GALNT14: variants seen among roughly 807,000 people sequenced by gnomAD.
GALNT14 encodes the protein UDP-GalNAc:polypeptide N-acetylgalactosaminyltransferase 14.
Under a neutral mutation model 77.5 loss-of-function variants are expected in GALNT14, and 60 were observed. The observed-to-expected ratio is 0.77, with a 90% CI of 0.63 to 0.96. GALNT14 has a LOEUF of 0.96. Among genes scored for constraint, GALNT14 ranks in the 40% least tolerant of loss-of-function variants. The pLI, the probability that GALNT14 is intolerant of heterozygous loss-of-function variation, is 0.00. For missense variants in GALNT14, 710 were observed against 731.0 expected, an observed-to-expected ratio of 0.97 and a Z score of 0.33; for synonymous variants, 280 against 281.7, an observed-to-expected ratio of 0.99 and a Z score of 0.06.
chr2:30,908,490 C>T (rs1405191823), downstream of GALNT14, among the ~76,000 whole-genome samples: 3 of 143,648 alleles, frequency 2.1e-5, no homozygotes, highest in Non-Finnish European at 3.0e-5. Context: ...ACCTAGGAAT[C>T]CAACTTACAA....
chr2:31,018,531 G>A (rs890262739), intron 1 of GALNT14, among the ~76,000 whole-genome samples: 6 of 152,272 alleles, frequency 3.9e-5, no homozygotes, highest in East Asian at 3.9e-4. Flanking sequence ...CACCGCCCCC[G>A]TGATCCAGTC....
chr2:30,976,683 G>A (rs887359758), intron 2 of GALNT14, among the ~76,000 whole-genome samples: 2 of 152,088 alleles, frequency 1.3e-5, no homozygotes, highest in African/African-American at 4.8e-5. Context: ...GAGCCTAGCT[G>A]GGACAGAAAG....
intron 12 of GALNT14, 137 bp from the exon 13 acceptor site, chr2:30,924,400 G>T: frequency 1.1e-6 from 1 of 895,854 alleles, no homozygotes; most frequent in Non-Finnish European, 1.7e-6. Context: ...TCGGGGAAGG[G>T]CAGGGTGCCA....
At position 30,935,647 on chromosome 2, in the gene GALNT14, G is replaced by A. The variant is rs145412581; in HGVS notation, c.932-3453C>T. On this transcript the variant is annotated intron_variant, in intron 9 of 14. Transcript: ENST00000349752. The stretch of plus-strand genomic sequence containing the variant: ...TCAGATCAGTGTGATGATTTATAGG[G>A]ATGACAGTGTGGGTTATTTAAAATG... Among the ~76,000 whole-genome samples, 504 of 152,332 alleles carry A rather than the reference G, an allele frequency of 3.3e-3. 2 individuals carry two copies. The highest frequency in any genetic ancestry group is 0.011 in the African/African-American group (477 of 41,576).
intron 1 of GALNT14, among the ~76,000 whole-genome samples, chr2:31,123,334 C>T (rs6731612): frequency 0.31 from 47,570 of 151,948 alleles, 8,892 homozygotes; most frequent in East Asian, 0.72. Context: ...ACAGGCCATA[C>T]AAAAACAGTG....
chr2:30,965,275 T>C (rs1667935410), intron 3 of GALNT14, among the ~76,000 whole-genome samples: 1 of 152,158 alleles, frequency 6.6e-6, no homozygotes, highest in Non-Finnish European at 1.5e-5. Flanking sequence ...CCAATGTCAG[T>C]TTCCTCAGCT....
At chr2:30,902,270 C>G in the GALNT14 span, among the ~76,000 whole-genome samples, 1 of 152,170 alleles carries the variant, frequency 6.6e-6, no homozygotes, top group Admixed American at 6.5e-5. Context: ...CTTGCTTTGG[C>G]TGCATCACCC....
chr2:30,988,902 GA>G (rs1459284317), intron 2 of GALNT14, among the ~76,000 whole-genome samples: 3 of 152,212 alleles, frequency 2.0e-5, no homozygotes, highest in African/African-American at 7.2e-5. Flanking sequence ...CAGAATTTGA[GA>G]ATAGTTGTTC....
chr2:30,907,273 T>A (rs1345939609), downstream of GALNT14, among the ~76,000 whole-genome samples: 5 of 152,256 alleles, frequency 3.3e-5, no homozygotes, highest in South Asian at 8.3e-4. Context: ...TTCCAGGAGC[T>A]GGTTTTTTGA....
intron 4 of GALNT14, among the ~76,000 whole-genome samples, chr2:30,957,993 A>G (rs781326032): frequency 6.6e-6 from 1 of 152,178 alleles, no homozygotes; most frequent in Non-Finnish European, 1.5e-5. Flanking sequence ...GATGAGACTC[A>G]GGTTCTTTGA....
chr2:30,968,243 C>T (rs916655889), intron 2 of GALNT14, among the ~76,000 whole-genome samples: 11 of 152,198 alleles, frequency 7.2e-5, no homozygotes, highest in East Asian at 3.8e-4. Flanking sequence ...TCAGGAAGTG[C>T]GTTCCTAGGT....
intron 6 of GALNT14, among the ~76,000 whole-genome samples, chr2:30,955,143 C>A (rs1218587912): frequency 6.6e-6 from 1 of 152,114 alleles, no homozygotes; most frequent in East Asian, 1.9e-4. Flanking sequence ...GAATTCAGGT[C>A]TCTTAGCATC....
intron 1 of GALNT14, among the ~76,000 whole-genome samples, chr2:31,091,394 G>A (rs762348006): frequency 1.3e-5 from 2 of 152,236 alleles, no homozygotes; most frequent in Non-Finnish European, 2.9e-5. Flanking sequence ...GAGTGGTTGT[G>A]ACAGAGACCA....
chr2:31,055,893 C>T (rs555175306), intron 1 of GALNT14, among the ~76,000 whole-genome samples: 1 of 152,180 alleles, frequency 6.6e-6, no homozygotes, highest in South Asian at 2.1e-4. Context: ...CAAGAAGAGA[C>T]CTAGACAGCG....
chr2:31,090,172 T>C (rs1347915028), intron 1 of GALNT14, among the ~76,000 whole-genome samples: 1 of 152,138 alleles, frequency 6.6e-6, no homozygotes, highest in East Asian at 1.9e-4. Flanking sequence ...TGGAGCAAAG[T>C]GTCCCTCAAG....
At chr2:30,962,623 C>A (rs1667760978) in intron 3 of GALNT14, among the ~76,000 whole-genome samples, 1 of 152,182 alleles carries the variant, frequency 6.6e-6, no homozygotes, top group Admixed American at 6.5e-5. Flanking sequence ...CAAGGTCATG[C>A]TTCTCTACAC....
At chr2:31,075,826 T>C (rs1464009163) in intron 1 of GALNT14, among the ~76,000 whole-genome samples, 1 of 152,222 alleles carries the variant, frequency 6.6e-6, no homozygotes, top group Non-Finnish European at 1.5e-5. Flanking sequence ...TGCTGGGCTT[T>C]GCGACTCTGG....
At chr2:31,107,626 AC>A (rs1269307391) in intron 1 of GALNT14, among the ~76,000 whole-genome samples, 5 of 152,208 alleles carry the variant, frequency 3.3e-5, no homozygotes, top group Non-Finnish European at 2.9e-5. Context: ...TGCCTATTCC[AC>A]TGATTCACCA....
chr2:31,000,969 G>A (rs548389139), intron 1 of GALNT14, among the ~76,000 whole-genome samples: 1 of 152,160 alleles, frequency 6.6e-6, no homozygotes, highest in Non-Finnish European at 1.5e-5. Context: ...TTTCAAATGA[G>A]GAAAGTGAGG....
Sources: gnomAD v4.1 joint callset for allele counts (sites outside exome capture counted in the v4.1 genomes callset) on GRCh38, gnomAD v4.1.1 for gene constraint, MANE v1.5 for transcripts, NCBI Gene and HGNC (gene_info 2026-07-23, HGNC 2026-07-21) for gene names.